The following ATP2C2 variants were observed in gnomAD, a reference collection of about 807,000 sequenced individuals.
The protein encoded by ATP2C2 is calcium-transporting ATPase type 2C member 2.
A neutral mutation model predicts 110.8 loss-of-function variants in ATP2C2; 171 were observed. That is an observed-to-expected ratio of 1.54 (90% CI 1.36 to 1.75). The LOEUF is 1.75. Among genes scored for constraint, ATP2C2 ranks in the 40% most tolerant of loss-of-function variants. The pLI is 0.00. For missense variants in ATP2C2, 1,963 were observed against 1,235.0 expected (o/e 1.59, Z -8.84); for synonymous variants, 804 against 508.4 (o/e 1.58, Z -7.82).
intron 16 of ATP2C2, among the ~76,000 whole-genome samples, chr16:84,447,221 C>T (rs181701975): frequency 1.7e-3 from 254 of 152,308 alleles, no homozygotes; most frequent in African/African-American, 5.9e-3. Context: ...GGGCTGTGGG[C>T]AGCTCAGCCA....
Position 84,463,697 on chromosome 16 carries a change from C to T in ATP2C2, c.2806C>T (p.Pro936Ser). The change falls in exon 27 of 27, where the codon CCC (proline) becomes TCC (serine). Residue 936 changes from proline to serine, a missense_variant. By Grantham distance (74) the Pro-to-Ser change is moderately conservative (BLOSUM62 -1). Transcript: ENST00000262429. ...LKLCEKYCCSPKRVQMHPEDV is the reference protein window; with the variant it reads ...LKLCEKYCCSSKRVQMHPEDV Reference sequence around the variant, plus strand: ...ACTATGTGAAAAATACTGTTGCAGCCCCAAGAGAGTCCAGATGCACCCTGA... The same window carrying T: ...ACTATGTGAAAAATACTGTTGCAGCTCCAAGAGAGTCCAGATGCACCCTGA... 5 of 1,614,118 alleles carry T rather than the reference C, an allele frequency of 3.1e-6. No homozygotes were observed. Among genetic ancestry groups the T allele is most frequent in the Non-Finnish European group, 4.2e-6 (5 of 1,179,986 alleles).
At position 84,453,250 on chromosome 16, in the gene ATP2C2, G is replaced by T. The variant is rs748921239; in HGVS notation, c.1929+15G>T. The T allele has an allele frequency of 2.1e-5, 34 of 1,613,906 alleles. No homozygotes were observed. The Middle Eastern group carries it at 8.2e-4, about 39-fold the overall frequency. ...GCGTGGGGAAGGTGGGTCCCCGGAG[G>T]CTTGGCTGGCAGTGGGGCTGGGTCA... is the stretch of plus-strand genomic sequence containing the variant. On this transcript the variant is annotated intron_variant, in intron 19 of 26. Coordinates refer to ENST00000262429, the MANE Select transcript of ATP2C2 (RefSeq NM_014861.4).
chr16:84,447,408 C>CA, intron 16 of ATP2C2, among the ~76,000 whole-genome samples: 1 of 151,592 alleles, frequency 6.6e-6, no homozygotes, highest in South Asian at 2.1e-4. Flanking sequence ...AAGCTTCTTT[C>CA]ATTCCACCCT....
At chr16:84,417,278 A>G (rs961379628) in intron 7 of ATP2C2, among the ~76,000 whole-genome samples, 3 of 152,044 alleles carry the variant, frequency 2.0e-5, no homozygotes, top group Admixed American at 6.5e-5. Flanking sequence ...TGTGTGTTGG[A>G]AGTCAGAGAA....
At chr16:84,409,729 T>C (rs1906103722) in intron 4 of ATP2C2, among the ~76,000 whole-genome samples, 1 of 152,140 alleles carries the variant, frequency 6.6e-6, no homozygotes, top group African/African-American at 2.4e-5. Flanking sequence ...TGTCGACCTC[T>C]TGACCTCAGG....
chr16:84,421,396 A>G (rs1458829165), intron 7 of ATP2C2, among the ~76,000 whole-genome samples: 1 of 152,220 alleles, frequency 6.6e-6, no homozygotes, highest in Non-Finnish European at 1.5e-5. Flanking sequence ...CATATTTTTA[A>G]AAGATGACTA....
intron 11 of ATP2C2, among the ~76,000 whole-genome samples, chr16:84,435,980 T>C (rs1026755985): frequency 2.0e-5 from 3 of 152,090 alleles, no homozygotes; most frequent in African/African-American, 4.8e-5. Context: ...AATTCAAAAA[T>C]TAGCCAGGTG....
intron 26 of ATP2C2, among the ~76,000 whole-genome samples, chr16:84,463,406 G>A (rs895433905): frequency 6.6e-6 from 1 of 152,136 alleles, no homozygotes; most frequent in Non-Finnish European, 1.5e-5. Context: ...GAGCTGCCTG[G>A]TGTTTGCCTG....
In ATP2C2 at chr16:84,408,455, C is replaced by A; in HGVS notation, c.378C>A (p.Val126=). The change falls in exon 4 of 27, where the codon GTC becomes GTA. Residue 126 remains valine (V), a synonymous_variant. Transcript: ENST00000262429. ...LLLLGSALVS[V]LTKEYEDAVS... is the part of the protein sequence containing the mutation. ...TGCTGGGCTCTGCCCTGGTGAGTGT[C>A]CTCACCAAGGAGTATGAGGACGCCG... is the stretch of plus-strand genomic sequence containing the variant. 6.2e-7 allele frequency: 1 copy of A among 1,613,768 alleles called. No individual in the cohort carries two copies. The highest frequency in any genetic ancestry group is 8.5e-7 in the Non-Finnish European group (1 of 1,179,986).
chr16:84,433,582 G>C (rs1366044184), intron 11 of ATP2C2, among the ~76,000 whole-genome samples: 2 of 151,932 alleles, frequency 1.3e-5, no homozygotes, highest in African/African-American at 4.8e-5. Flanking sequence ...AACCCGGGAG[G>C]TGGAGGTTGT....
intron 21 of ATP2C2, 144 bp downstream of exon 21, chr16:84,455,128 C>T (rs79006868): frequency 9.4e-7 from 1 of 1,059,144 alleles, no homozygotes; most frequent in South Asian, 1.5e-5. Flanking sequence ...GTCAGTGTGG[C>T]AGGTGCCCCC....
At chr16:84,451,273 A>C (rs1401769493) in intron 17 of ATP2C2, among the ~76,000 whole-genome samples, 1 of 152,154 alleles carries the variant, frequency 6.6e-6, no homozygotes, top group Non-Finnish European at 1.5e-5. Flanking sequence ...CCCATGATTC[A>C]ATTATCTCCC....
At chr16:84,380,988 G>A (rs534194653) in intron 1 of ATP2C2, among the ~76,000 whole-genome samples, 1 of 152,146 alleles carries the variant, frequency 6.6e-6, no homozygotes. Flanking sequence ...AGATCAGCCC[G>A]GCCAACGTAG....
rs369701861 is a variant in ATP2C2, at chr16:84,453,381, G to A, written c.1980+10G>A. ...GCTCAAAATCATCAAGGTTCGCTGGGCAAGGCAGGCACAGGCTGCGCTGCT... is the reference window on the plus strand; with the variant it reads ...GCTCAAAATCATCAAGGTTCGCTGGACAAGGCAGGCACAGGCTGCGCTGCT... On this transcript the variant is annotated intron_variant, in intron 20 of 26. Transcript: ENST00000262429. The A allele has an allele frequency of 6.8e-6, 11 of 1,614,020 alleles. No homozygotes were observed. The highest frequency in any genetic ancestry group is 5.0e-5 in the Admixed American group (3 of 60,008).
intron 11 of ATP2C2, among the ~76,000 whole-genome samples, chr16:84,430,268 G>C (rs976143851): frequency 3.9e-5 from 6 of 152,170 alleles, no homozygotes; most frequent in Non-Finnish European, 7.4e-5. Context: ...TGAGGACAAG[G>C]AGGCCTGAGC....
At chr16:84,409,072 T>G (rs1000019101) in intron 4 of ATP2C2, among the ~76,000 whole-genome samples, 1 of 152,178 alleles carries the variant, frequency 6.6e-6, no homozygotes, top group East Asian at 1.9e-4. Context: ...AATCTTTTTC[T>G]ATCTCTGTGG....
At chr16:84,410,479 T>C (rs1906173116) in intron 4 of ATP2C2, 89 bp from the exon 5 acceptor site, 8 of 1,404,150 alleles carry the variant, frequency 5.7e-6, no homozygotes, top group Middle Eastern at 4.8e-4. Flanking sequence ...AGGAAATCAA[T>C]CATTAAAGAC....
chr16:84,453,425 C>T (rs1167846066), intron 20 of ATP2C2, 54 bp downstream of exon 20: 2 of 1,606,984 alleles, frequency 1.2e-6, no homozygotes, highest in Non-Finnish European at 1.7e-6. Flanking sequence ...GCCAGAGACA[C>T]TGTGGCTCGA....
At chr16:84,433,674 C>G (rs1908483004) in intron 11 of ATP2C2, among the ~76,000 whole-genome samples, 1 of 128,080 alleles carries the variant, frequency 7.8e-6, no homozygotes, top group Admixed American at 7.9e-5. Context: ...AAACAAACAA[C>G]AACAACAAAA....
Sources: gnomAD v4.1 joint callset for allele counts (sites outside exome capture counted in the v4.1 genomes callset) on GRCh38, gnomAD v4.1.1 for gene constraint, MANE v1.5 for transcripts, NCBI Gene and HGNC (gene_info 2026-07-23, HGNC 2026-07-21) for gene names.